PTPRT: variants seen among roughly 807,000 people sequenced by gnomAD.
The protein encoded by PTPRT is protein tyrosine phosphatase receptor type T, also known as receptor-type tyrosine-protein phosphatase T.
A neutral mutation model predicts 176.8 loss-of-function variants in PTPRT; 56 were observed. The observed-to-expected ratio is 0.32, with a 90% CI of 0.26 to 0.40. The LOEUF is 0.40. Ranked by LOEUF, PTPRT falls within the 10% of genes least tolerant of loss-of-function variation. The pLI, the probability that PTPRT is intolerant of heterozygous loss-of-function variation, is 1.00. For synonymous variants in PTPRT, 783 were observed against 739.0 expected, an observed-to-expected ratio of 1.06 and a Z score of -0.96; for missense variants, 1,540 against 1,908.2, an observed-to-expected ratio of 0.81 and a Z score of 3.60.
chr20:42,679,710 T>C (rs889817192), intron 6 of PTPRT, among the ~76,000 whole-genome samples: 2 of 132,538 alleles, frequency 1.5e-5, no homozygotes, highest in Admixed American at 7.7e-5. Flanking sequence ...ACTTATATTG[T>C]AAGGATTTTT....
rs73618846 is a variant in PTPRT, at chr20:42,385,330, T to C, written c.1561-33045A>G. 1.4e-3 allele frequency among the ~76,000 whole-genome samples: 219 copies of C among 152,268 alleles called. 5 individuals are homozygous for C. The East Asian group carries it at 0.037, about 26-fold the overall frequency. On this transcript the variant is annotated intron_variant, in intron 9 of 30. Coordinates refer to ENST00000373187, the MANE Select transcript of PTPRT (RefSeq NM_007050.6). Reference sequence around the variant, plus strand: ...ACAACATAGATGAACCTGGAGGGCATTATGCTAAGTGAAATAAGCAAGTCA... The same window carrying C: ...ACAACATAGATGAACCTGGAGGGCACTATGCTAAGTGAAATAAGCAAGTCA...
At chr20:42,703,403 A>G (rs2076003005) in intron 6 of PTPRT, among the ~76,000 whole-genome samples, 1 of 152,236 alleles carries the variant, frequency 6.6e-6, no homozygotes, top group South Asian at 2.1e-4. Context: ...AAAAGAAAAA[A>G]GAGACAGAAA....
the PTPRT span, among the ~76,000 whole-genome samples, chr20:42,048,365 A>C: frequency 6.6e-6 from 1 of 152,130 alleles, no homozygotes; most frequent in African/African-American, 2.4e-5. Flanking sequence ...TTCTCTTGGA[A>C]TCTGGGTTGT....
At chr20:42,508,997 G>A (rs1322892526) in intron 7 of PTPRT, among the ~76,000 whole-genome samples, 1 of 107,850 alleles carries the variant, frequency 9.3e-6, no homozygotes, top group African/African-American at 3.6e-5. Context: ...TTAATTTATA[G>A]ATATAAATTA....
chr20:42,497,592 A>C (rs2071677991), intron 7 of PTPRT, among the ~76,000 whole-genome samples: 1 of 151,904 alleles, frequency 6.6e-6, no homozygotes, highest in Non-Finnish European at 1.5e-5. Context: ...TCTTTTCTTG[A>C]CATTTTTTTA....
intron 19 of PTPRT, among the ~76,000 whole-genome samples, chr20:42,120,978 T>C (rs1277110081): frequency 6.6e-6 from 1 of 152,214 alleles, no homozygotes; most frequent in Non-Finnish European, 1.5e-5. Context: ...GTCCTAAAGT[T>C]TGATGAACAT....
chr20:42,479,139 C>T (rs2071339063), intron 7 of PTPRT, among the ~76,000 whole-genome samples: 1 of 152,132 alleles, frequency 6.6e-6, no homozygotes, highest in Non-Finnish European at 1.5e-5. Flanking sequence ...CTTCTAATGA[C>T]CTTAATCAAG....
chr20:42,779,733 C>CTGATGGAGCTCCAT (rs2077187504), intron 4 of PTPRT, among the ~76,000 whole-genome samples: 3 of 152,090 alleles, frequency 2.0e-5, no homozygotes, highest in Non-Finnish European at 4.4e-5. Context: ...AATCTCTATG[C>CTGATGGAGCTCCAT]CTACATGGAG....
chr20:42,856,637 C>A (rs2078568237), intron 2 of PTPRT, among the ~76,000 whole-genome samples: 1 of 152,094 alleles, frequency 6.6e-6, no homozygotes, highest in Non-Finnish European at 1.5e-5. Flanking sequence ...CTCCCAGGTA[C>A]TGTCCTCTCA....
intron 1 of PTPRT, among the ~76,000 whole-genome samples, chr20:43,170,225 A>G (rs1372522998): frequency 6.6e-6 from 1 of 152,034 alleles, no homozygotes; most frequent in Non-Finnish European, 1.5e-5. Flanking sequence ...TTTAAGCATG[A>G]TCATCATTTC....
At chr20:42,682,451 T>C (rs1436038444) in intron 6 of PTPRT, among the ~76,000 whole-genome samples, 1 of 152,120 alleles carries the variant, frequency 6.6e-6, no homozygotes, top group Non-Finnish European at 1.5e-5. Context: ...AAACAAGAGG[T>C]TGTTCAGGCA....
At chr20:42,216,768 C>G (rs533967169) in intron 15 of PTPRT, among the ~76,000 whole-genome samples, 11 of 152,168 alleles carry the variant, frequency 7.2e-5, no homozygotes, top group African/African-American at 2.4e-4. Flanking sequence ...ATTTCTGCAC[C>G]AAATTTCTGT....
chr20:42,637,699 C>G (rs567721698), intron 7 of PTPRT, among the ~76,000 whole-genome samples: 4 of 152,052 alleles, frequency 2.6e-5, no homozygotes, highest in African/African-American at 9.7e-5. Flanking sequence ...AGAACAGGGA[C>G]TTGGTTTGAT....
chr20:42,521,015 C>T (rs1437306104), intron 7 of PTPRT, among the ~76,000 whole-genome samples: 1 of 151,640 alleles, frequency 6.6e-6, no homozygotes, highest in Non-Finnish European at 1.5e-5. Context: ...TATCATCTAC[C>T]TATCTAATCC....
intron 2 of PTPRT, 23 bp downstream of exon 2, chr20:42,885,784 C>T: frequency 6.3e-7 from 1 of 1,593,700 alleles, no homozygotes; most frequent in South Asian, 1.1e-5. Flanking sequence ...CCATTACAGC[C>T]CCAAACATGA....
At chr20:42,953,546 G>A (rs11907965) in intron 1 of PTPRT, among the ~76,000 whole-genome samples, 11,121 of 152,090 alleles carry the variant, frequency 0.073, 1,181 homozygotes, top group African/African-American at 0.23. Context: ...TGTTCCTGGC[G>A]GGGGAAGTAT....
Position 42,147,163 on chromosome 20 carries a change from G to T in PTPRT, c.2683-5161C>A, listed in dbSNP as rs193046063. Among the ~76,000 whole-genome samples, 3 of 152,326 alleles carry T rather than the reference G, an allele frequency of 2.0e-5. No individual in the cohort carries two copies. In the East Asian group the frequency reaches 5.8e-4, roughly 29 times the overall value. On this transcript the variant is annotated intron_variant, in intron 17 of 30. Transcript: ENST00000373187. ...TGTCACGACTGTATCTCCAGAACCC[G>T]ATGCTGGCTCTATACTTCAGATGTG...
intron 3 of PTPRT, among the ~76,000 whole-genome samples, chr20:42,786,130 C>CT (rs1220815588): frequency 3.9e-5 from 6 of 152,198 alleles, no homozygotes; most frequent in African/African-American, 7.2e-5. Context: ...GCTTCCCTTT[C>CT]TGCCATGATT....
intron 1 of PTPRT, among the ~76,000 whole-genome samples, chr20:43,187,962 A>C (rs116136952): frequency 6.6e-6 from 1 of 152,222 alleles, no homozygotes; most frequent in Non-Finnish European, 1.5e-5. Context: ...GGCGTTCAGC[A>C]CTGGACAGCT....
Sources: allele counts gnomAD v4.1 joint callset (sites outside exome capture counted in the v4.1 genomes callset), GRCh38; gene constraint gnomAD v4.1.1; transcripts MANE v1.5; gene names NCBI Gene and HGNC (gene_info 2026-07-23, HGNC 2026-07-21).